The following MTRF1 variants were observed in gnomAD, a reference collection of about 807,000 sequenced individuals.
The protein encoded by MTRF1 is mitochondrial translation release factor 1.
A neutral mutation model predicts 62.9 loss-of-function variants in MTRF1; 51 were observed. The ratio of observed to expected loss-of-function variants is 0.81; its 90% confidence interval spans 0.65 to 1.02. The LOEUF is 1.02. MTRF1 is among the 50% of genes least tolerant of loss of function. The pLI is 0.00. For missense variants in MTRF1, 446 were observed against 530.0 expected, an observed-to-expected ratio of 0.84 and a Z score of 1.56; for synonymous variants, 158 against 181.9, an observed-to-expected ratio of 0.87 and a Z score of 1.06.
At chr13:41,308,608 C>T in the MTRF1 span, among the ~76,000 whole-genome samples, 542 of 152,268 alleles carry the variant, frequency 3.6e-3, 2 homozygotes, top group African/African-American at 0.013. Context: ...AGTACAGGTG[C>T]GACTAAGGCA....
chr13:41,243,593 C>T (rs1566121906), intron 5 of MTRF1, among the ~76,000 whole-genome samples: 1 of 152,090 alleles, frequency 6.6e-6, no homozygotes. Context: ...AATAAACTGT[C>T]CTTCACTGCT....
intron 8 of MTRF1, among the ~76,000 whole-genome samples, chr13:41,225,951 G>T (rs552291135): frequency 4.7e-5 from 7 of 150,246 alleles, no homozygotes; most frequent in East Asian, 3.9e-4. Context: ...AATTCAAAAA[G>T]TACCAAATGG....
At chr13:41,304,419 C>T in the MTRF1 span, among the ~76,000 whole-genome samples, 1 of 152,190 alleles carries the variant, frequency 6.6e-6, no homozygotes, top group African/African-American at 2.4e-5. Context: ...GAACTACAGA[C>T]GTGTGCCTGG....
At chr13:41,243,936 T>G (rs888751131) in intron 5 of MTRF1, among the ~76,000 whole-genome samples, 2 of 152,238 alleles carry the variant, frequency 1.3e-5, no homozygotes, top group Non-Finnish European at 1.5e-5. Flanking sequence ...ATTTTTCAAA[T>G]GATTGTACTA....
chr13:41,306,148 C>G, the MTRF1 span, among the ~76,000 whole-genome samples: 2 of 151,786 alleles, frequency 1.3e-5, no homozygotes, highest in Non-Finnish European at 2.9e-5. Flanking sequence ...TTTGGGAGGC[C>G]GAGGTGGGCA....
intron 2 of MTRF1, among the ~76,000 whole-genome samples, chr13:41,256,604 A>G (rs970995395): frequency 2.0e-5 from 3 of 152,078 alleles, no homozygotes; most frequent in Non-Finnish European, 4.4e-5. Flanking sequence ...GATTACAGGC[A>G]TGAGCCACCG....
At chr13:41,269,112 TTACCAAAAACAAAA>T in the MTRF1 span, among the ~76,000 whole-genome samples, 1 of 150,930 alleles carries the variant, frequency 6.6e-6, no homozygotes, top group Non-Finnish European at 1.5e-5. Context: ...TTAAGCTTTC[TTACCAAAAACAAAA>T]CCTCTTTATT....
chr13:41,307,013 T>TTA, the MTRF1 span, among the ~76,000 whole-genome samples: 538 of 152,310 alleles, frequency 3.5e-3, 4 homozygotes, highest in African/African-American at 0.011. Context: ...AGTAATAAGA[T>TTA]TATAGTTACT....
chr13:41,298,481 C>T, the MTRF1 span, among the ~76,000 whole-genome samples: 2 of 28,670 alleles, frequency 7.0e-5, no homozygotes, highest in African/African-American at 2.6e-4. Flanking sequence ...TTTTCGAAAA[C>T]GAAGGGGATA....
chr13:41,274,686 A>G, the MTRF1 span, among the ~76,000 whole-genome samples: 2 of 150,310 alleles, frequency 1.3e-5, no homozygotes, highest in African/African-American at 2.4e-5. Flanking sequence ...AATAATAATA[A>G]TAATAATATT....
At chr13:41,222,434 C>G (rs1335104599) in intron 9 of MTRF1, among the ~76,000 whole-genome samples, 1 of 152,144 alleles carries the variant, frequency 6.6e-6, no homozygotes, top group Admixed American at 6.5e-5. Context: ...CCCTGGTGTA[C>G]ACACTGTGAA....
intron 5 of MTRF1, among the ~76,000 whole-genome samples, chr13:41,249,938 A>G (rs1462797609): frequency 1.3e-5 from 2 of 151,922 alleles, no homozygotes; most frequent in Non-Finnish European, 2.9e-5. Flanking sequence ...TTAAAGATAT[A>G]TGAGTAAAAT....
chr13:41,263,370 AGCCCGCGG>A (rs1566196168), intron 1 of MTRF1, 107 bp downstream of exon 1: 2 of 1,177,670 alleles, frequency 1.7e-6, no homozygotes, highest in South Asian at 1.3e-5. Context: ...CAGAAGCGAC[AGCCCGCGG>A]GGCAGCAGCA....
chr13:41,238,417 C>T (rs1370296712), intron 6 of MTRF1, among the ~76,000 whole-genome samples: 5 of 152,006 alleles, frequency 3.3e-5, no homozygotes, highest in Non-Finnish European at 2.9e-5. Context: ...GAGGTTAATA[C>T]GTGAAACTTG....
chr13:41,300,027 C>T, the MTRF1 span, among the ~76,000 whole-genome samples: 28 of 152,254 alleles, frequency 1.8e-4, no homozygotes, highest in Non-Finnish European at 3.5e-4. Flanking sequence ...TTCCAGAGAT[C>T]GTTGTTGACT....
At chr13:41,276,296 C>G in the MTRF1 span, among the ~76,000 whole-genome samples, 1 of 151,926 alleles carries the variant, frequency 6.6e-6, no homozygotes, top group Non-Finnish European at 1.5e-5. Flanking sequence ...CTCAGTCTCC[C>G]GAGTAGCTGG....
intron 6 of MTRF1, chr13:41,236,529 C>G (rs555361590): frequency 1.3e-5 from 2 of 152,278 alleles, no homozygotes; most frequent in African/African-American, 4.8e-5. Flanking sequence ...TAACTAGTAA[C>G]TGGGTCAAGG....
At chr13:41,267,583 A>G (rs1273078480), upstream of MTRF1, among the ~76,000 whole-genome samples, 1 of 152,190 alleles carries the variant, frequency 6.6e-6, no homozygotes, top group Non-Finnish European at 1.5e-5. Flanking sequence ...AAAAAGTGAT[A>G]AAAAGCCAGG....
In MTRF1 at chr13:41,243,103, C is replaced by T. The variant is rs143869497; in HGVS notation, c.698-2670G>A. 4.1e-3 allele frequency among the ~76,000 whole-genome samples: 618 copies of T among 152,202 alleles called. 9 individuals carry two copies. The highest frequency in any genetic ancestry group is 0.033 in the East Asian group (173 of 5,172). On this transcript the variant is annotated intron_variant, in intron 5 of 9. Coordinates refer to ENST00000379480, the MANE Select transcript of MTRF1 (RefSeq NM_004294.4). ...GCGTGGTGGCGCGCACCTGTCATCCCAGCTACTTAGGATGCTGAGGCAGAA... is the reference window on the plus strand; with the variant it reads ...GCGTGGTGGCGCGCACCTGTCATCCTAGCTACTTAGGATGCTGAGGCAGAA...
Sources: gnomAD v4.1 joint callset for allele counts (sites outside exome capture counted in the v4.1 genomes callset) on GRCh38, gnomAD v4.1.1 for gene constraint, MANE v1.5 for transcripts, NCBI Gene and HGNC (gene_info 2026-07-23, HGNC 2026-07-21) for gene names.